FGF12: variants seen among roughly 807,000 people sequenced by gnomAD.
FGF12 encodes fibroblast growth factor 12B.
Under a neutral mutation model 23.6 loss-of-function variants are expected in FGF12, and 14 were observed. The observed-to-expected ratio is 0.59, with a 90% CI of 0.39 to 0.93. The LOEUF (loss-of-function observed/expected upper bound fraction) is 0.93, where lower values mean the gene tolerates loss of function less well. Among genes scored for constraint, FGF12 ranks in the 40% least tolerant of loss-of-function variants. The probability of loss-of-function intolerance (pLI) is 0.00; values close to 1 mark genes in which losing one functional copy is unlikely to be tolerated. For missense variants in FGF12, 175 were observed against 217.8 expected (o/e 0.80, Z 1.24); for synonymous variants, 62 against 77.3 (o/e 0.80, Z 1.04).
intron 2 of FGF12, among the ~76,000 whole-genome samples, chr3:192,559,798 T>A (rs1711936706): frequency 6.6e-6 from 1 of 151,154 alleles, no homozygotes; most frequent in African/African-American, 2.4e-5. Flanking sequence ...CACTCAATTT[T>A]ACTGGGAACC....
At chr3:192,346,097 CT>C in intron 3 of FGF12, among the ~76,000 whole-genome samples, 1 of 151,980 alleles carries the variant, frequency 6.6e-6, no homozygotes, top group South Asian at 2.1e-4. Context: ...CTATTCTCTA[CT>C]TCAAAATCTC....
At chr3:192,456,596 T>C (rs1481849795) in intron 2 of FGF12, among the ~76,000 whole-genome samples, 1 of 152,178 alleles carries the variant, frequency 6.6e-6, no homozygotes, top group African/African-American at 2.4e-5. Flanking sequence ...ATACTCCTAA[T>C]ACGTATCCAC....
chr3:192,286,009 C>T (rs971976876), intron 4 of FGF12, among the ~76,000 whole-genome samples: 9 of 152,002 alleles, frequency 5.9e-5, no homozygotes, highest in Admixed American at 5.9e-4. Flanking sequence ...ATTTATCAAA[C>T]TTAGTCATAT....
rs1415143695 is a variant in FGF12, at chr3:192,141,751, TTA to T, written c.*2256_*2257del. The T allele has an allele frequency of 6.6e-6, 1 of 151,826 alleles. No individual in the cohort carries two copies. Among genetic ancestry groups the T allele is most frequent in the Non-Finnish European group, 1.5e-5 (1 of 67,782 alleles). 9.4% of individuals were successfully genotyped at this position (151,826 alleles called of 1,614,324 possible). A position where few individuals can be genotyped will look rare whatever the true frequency, so the allele number is the denominator to read the frequency against. The stretch of plus-strand genomic sequence containing the variant: ...ATGAAATCATAATTGTAATTGATTT[TTA>T]TGATTTGCATCAATTGTGTTATTTA... On this transcript the variant is annotated 3_prime_UTR_variant, in exon 6 of 6. Transcript: ENST00000445105.
chr3:192,155,373 A>G (rs1029505450), intron 5 of FGF12, among the ~76,000 whole-genome samples: 1 of 152,216 alleles, frequency 6.6e-6, no homozygotes, highest in African/African-American at 2.4e-5. Flanking sequence ...CTTTGCAAAC[A>G]CAATCACAAT....
At chr3:192,342,168 CT>C (rs1473076649) in intron 3 of FGF12, among the ~76,000 whole-genome samples, 27 of 152,246 alleles carry the variant, frequency 1.8e-4, no homozygotes, top group South Asian at 1.7e-3. Context: ...GTTTTAGAAG[CT>C]GTTATTCAAT....
At chr3:192,688,078 G>C (rs115881349) in intron 2 of FGF12, among the ~76,000 whole-genome samples, 9 of 151,710 alleles carry the variant, frequency 5.9e-5, no homozygotes, top group African/African-American at 2.2e-4. Context: ...CTGAGCACAC[G>C]CACACCACTG....
intron 2 of FGF12, among the ~76,000 whole-genome samples, chr3:192,431,778 A>T (rs1412911995): frequency 6.6e-6 from 1 of 152,202 alleles, no homozygotes; most frequent in Non-Finnish European, 1.5e-5. Flanking sequence ...ACTAAACTCA[A>T]CATGTCAAAT....
At position 192,644,149 on chromosome 3, in the gene FGF12, T is replaced by C. The variant is rs572979656; in HGVS notation, c.13+83032A>G. Among the ~76,000 whole-genome samples, 9 of 152,372 alleles carry C rather than the reference T, an allele frequency of 5.9e-5. No homozygotes were observed. In the South Asian group the frequency reaches 1.7e-3, roughly 28 times the overall value. ...TTGCTTCCCTAACAATTTTTTTTAG[T>C]TGGTGATGTCCACTGCTAAAATGTA... On this transcript the variant is annotated intron_variant, in intron 2 of 5. Coordinates refer to ENST00000445105, the MANE Select transcript of FGF12 (RefSeq NM_004113.6).
rs1491137930 is a variant in FGF12 at position 192,392,590 on chromosome 3, CCG to C, written c.14-32054_14-32053del. Among the ~76,000 whole-genome samples the C allele has an allele frequency of 1.2e-3, 105 of 89,100 alleles. 1 individual carries two copies. The highest frequency in any genetic ancestry group is 4.7e-3 in the African/African-American group (84 of 17,946). The allele number at this position is 89,100 out of a possible 152,430, so 58.5% of individuals were successfully genotyped here. A position where few individuals can be genotyped will look rare whatever the true frequency, so the allele number is the denominator to read the frequency against. On this transcript the variant is annotated intron_variant, in intron 2 of 5. Transcript: ENST00000445105. Reference sequence around the variant, plus strand: ...CAGCCTGGGCAACAAAAGTGAAACTCCGAGAGAGAGAGAGAGAGAGAGAGAGA... The same window carrying C: ...CAGCCTGGGCAACAAAAGTGAAACTCAGAGAGAGAGAGAGAGAGAGAGAGA...
intron 2 of FGF12, among the ~76,000 whole-genome samples, chr3:192,456,084 C>T (rs1196657176): frequency 2.0e-5 from 3 of 152,160 alleles, no homozygotes; most frequent in Non-Finnish European, 2.9e-5. Flanking sequence ...CATTAGGTAT[C>T]ACTATTCTGG....
chr3:192,542,061 C>T (rs552168928), intron 2 of FGF12, among the ~76,000 whole-genome samples: 5 of 145,706 alleles, frequency 3.4e-5, no homozygotes, highest in Non-Finnish European at 6.0e-5. Context: ...TTAGTGGAGA[C>T]GGGGTTTCAC....
At chr3:192,312,320 C>T (rs1344756289) in intron 4 of FGF12, among the ~76,000 whole-genome samples, 1 of 151,362 alleles carries the variant, frequency 6.6e-6, no homozygotes, top group African/African-American at 2.4e-5. Context: ...TTTTAGGGCT[C>T]TAATCCATTT....
chr3:192,307,388 A>G (rs949282536), intron 4 of FGF12, among the ~76,000 whole-genome samples: 1 of 152,226 alleles, frequency 6.6e-6, no homozygotes, highest in Non-Finnish European at 1.5e-5. Context: ...TATCAGAGAT[A>G]GCAGCAACGA....
intron 2 of FGF12, among the ~76,000 whole-genome samples, chr3:192,471,563 G>T (rs992195821): frequency 1.3e-5 from 2 of 152,126 alleles, no homozygotes; most frequent in African/African-American, 4.8e-5. Flanking sequence ...TTAAATGCTA[G>T]GCACAAAAGC....
Position 192,409,000 on chromosome 3 carries a change from G to A in FGF12, c.14-48462C>T. ...GGAGTCTGGGTAGGGGCGCGGGGCG[G>A]GGGCAGCTGTTTCCAGCTGCGGTGA... is the stretch of plus-strand genomic sequence containing the variant. On this transcript the variant is annotated intron_variant, in intron 2 of 5. Coordinates refer to ENST00000445105, the MANE Select transcript of FGF12 (RefSeq NM_004113.6). This position sits in a 1 kb window ranked among gnomAD's most constrained non-coding sequence, Gnocchi z 7.3. The A allele has an allele frequency of 2.0e-6, 2 of 984,864 alleles. No individual in the cohort carries two copies. The highest frequency in any genetic ancestry group is 2.4e-6 in the Non-Finnish European group (2 of 829,746). The allele number at this position is 984,864 out of a possible 1,614,324, so 61.0% of individuals were successfully genotyped here.
chr3:192,148,639 C>G lies in FGF12; in HGVS notation c.428-4512G>C, dbSNP rs568024176. On this transcript the variant is annotated intron_variant, in intron 5 of 5. Coordinates refer to ENST00000445105, the MANE Select transcript of FGF12 (RefSeq NM_004113.6). ...TATTTTACCACAATTAAAAAGCAAACAAACAAACAACTTGTCCTGAATTGT... is the reference window on the plus strand; with the variant it reads ...TATTTTACCACAATTAAAAAGCAAAGAAACAAACAACTTGTCCTGAATTGT... Among the ~76,000 whole-genome samples the G allele has an allele frequency of 3.3e-5, 5 of 152,088 alleles. No homozygotes were observed. The South Asian group carries it at 1.0e-3, about 32-fold the overall frequency.
chr3:192,445,348 G>A (rs1030038780), intron 2 of FGF12, among the ~76,000 whole-genome samples: 10 of 152,170 alleles, frequency 6.6e-5, no homozygotes, highest in East Asian at 1.9e-4. Context: ...CACACTGTGC[G>A]CTCCAGTTAG....
intron 4 of FGF12, among the ~76,000 whole-genome samples, chr3:192,189,780 T>G (rs776041774): frequency 2.6e-5 from 4 of 152,016 alleles, no homozygotes; most frequent in Non-Finnish European, 5.9e-5. Context: ...ACGAGAAAAT[T>G]TATTTCTGTT....
Sources: gnomAD v4.1 joint callset for allele counts (sites outside exome capture counted in the v4.1 genomes callset) on GRCh38, gnomAD v4.1.1 for gene constraint, Gnocchi (gnomAD v3.1) non-coding constraint, MANE v1.5 for transcripts, NCBI Gene and HGNC (gene_info 2026-07-23, HGNC 2026-07-21) for gene names.